APPBP2: variants seen among roughly 807,000 people sequenced by gnomAD.
The protein encoded by APPBP2 is amyloid protein-binding protein 2.
APPBP2 carries 15 observed loss-of-function variants against 76.0 expected under a neutral mutation model. That is an observed-to-expected ratio of 0.20 (90% CI 0.13 to 0.30). The LOEUF is 0.30. Among genes scored for constraint, APPBP2 ranks in the 10% least tolerant of loss-of-function variants. APPBP2 has a pLI of 1.00. For synonymous variants in APPBP2, 222 were observed against 242.2 expected, an observed-to-expected ratio of 0.92 and a Z score of 0.77; for missense variants, 401 against 687.2, an observed-to-expected ratio of 0.58 and a Z score of 4.66.
intron 1 of APPBP2, 129 bp downstream of exon 1, chr17:60,525,665 A>G (rs1598381429): frequency 1.4e-6 from 2 of 1,409,864 alleles, no homozygotes; most frequent in Non-Finnish European, 1.9e-6. Context: ...CAGACACCGC[A>G]CCAGACGTTT....
At chr17:60,518,358 CGTGTGTGTGTGTGTGTGTGTGTGT>C (rs59428194) in intron 1 of APPBP2, among the ~76,000 whole-genome samples, 1 of 89,072 alleles carries the variant, frequency 1.1e-5, no homozygotes, top group Admixed American at 1.2e-4. Flanking sequence ...TGTGTGCGTG[CGTGTGTGTGTGTGTGTGTGTGTGT>C]GTGTGTGTGT....
rs145182508 is a variant in APPBP2 at position 60,458,738 on chromosome 17, T to C, written c.1061+1925A>G. On this transcript the variant is annotated intron_variant, in intron 9 of 12. Transcript: ENST00000083182. ...TATCTTTAATCATATAAAGAACACA[T>C]ACTTTACAGCATCAACCAAAAAGAA... is the stretch of plus-strand genomic sequence containing the variant. 1.6e-3 allele frequency among the ~76,000 whole-genome samples: 237 copies of C among 152,100 alleles called. 1 individual carries two copies. Among genetic ancestry groups the C allele is most frequent in the African/African-American group, 5.3e-3 (219 of 41,484 alleles).
At chr17:60,474,628 A>C (rs1431182241) in intron 4 of APPBP2, among the ~76,000 whole-genome samples, 2 of 152,180 alleles carry the variant, frequency 1.3e-5, no homozygotes, top group Admixed American at 6.5e-5. Flanking sequence ...AATGTTTGGG[A>C]CCAATCATGT....
intron 1 of APPBP2, among the ~76,000 whole-genome samples, chr17:60,520,637 C>T (rs987789216): frequency 6.0e-5 from 9 of 151,214 alleles, no homozygotes; most frequent in African/African-American, 1.7e-4. Flanking sequence ...TGAAACACTT[C>T]ACCCAGACAA....
intron 1 of APPBP2, among the ~76,000 whole-genome samples, chr17:60,504,090 C>T (rs1474499538): frequency 1.3e-5 from 2 of 152,068 alleles, no homozygotes; most frequent in African/African-American, 4.8e-5. Flanking sequence ...AGAGAGGAAA[C>T]TGATACTTTT....
chr17:60,457,646 T>C (rs567160132), intron 9 of APPBP2, among the ~76,000 whole-genome samples: 146 of 152,152 alleles, frequency 9.6e-4, no homozygotes, highest in Admixed American at 1.8e-3. Flanking sequence ...TCCAGGCTGG[T>C]CTCAAACTCC....
chr17:60,466,955 A>C (rs1056274656), intron 4 of APPBP2, among the ~76,000 whole-genome samples: 2 of 152,182 alleles, frequency 1.3e-5, no homozygotes, highest in African/African-American at 4.8e-5. Context: ...AGTGTCAACT[A>C]TTTCTTTTAA....
chr17:60,488,020 C>A (rs934588982), intron 3 of APPBP2, among the ~76,000 whole-genome samples: 1 of 152,224 alleles, frequency 6.6e-6, no homozygotes. Flanking sequence ...GGGGTATCAC[C>A]AGCGAAAGCT....
chr17:60,504,720 C>T (rs1482807737), intron 1 of APPBP2, among the ~76,000 whole-genome samples: 1 of 152,108 alleles, frequency 6.6e-6, no homozygotes, highest in Non-Finnish European at 1.5e-5. Flanking sequence ...ATAAGAATTG[C>T]ACAAAGTCAG....
rs376752377 is a variant in APPBP2 at position 60,494,677 on chromosome 17, T to C, written c.228-60A>G. 11 of 1,384,040 alleles carry C rather than the reference T, an allele frequency of 7.9e-6. No homozygotes were observed. In the South Asian group the frequency reaches 1.1e-4, roughly 14 times the overall value. 85.7% of individuals were successfully genotyped at this position (1,384,040 alleles called of 1,614,324 possible). ...AATTTATTTTTCTCCTTTTAGAAAG[T>C]GCTAACTGCTTCTCTTTTAAATAAT... is the stretch of plus-strand genomic sequence containing the variant. On this transcript the variant is annotated intron_variant, in intron 2 of 12. Coordinates refer to ENST00000083182, the MANE Select transcript of APPBP2 (RefSeq NM_006380.5).
rs557771412 is a variant in APPBP2 at position 60,523,650 on chromosome 17, G to A, written c.138+2144C>T. The stretch of plus-strand genomic sequence containing the variant: ...TCAAGACCAGCTTGGGCAAAACAGC[G>A]AGACCCCATCTCTATTTTTTTTAAA... On this transcript the variant is annotated intron_variant, in intron 1 of 12. Transcript: ENST00000083182. 2.0e-3 allele frequency among the ~76,000 whole-genome samples: 304 copies of A among 152,202 alleles called. 1 individual carries two copies. Among genetic ancestry groups the A allele is most frequent in the African/African-American group, 6.8e-3 (281 of 41,532 alleles).
At chr17:60,501,727 G>A (rs1383887652) in intron 1 of APPBP2, among the ~76,000 whole-genome samples, 1 of 152,134 alleles carries the variant, frequency 6.6e-6, no homozygotes, top group Non-Finnish European at 1.5e-5. Context: ...GCATTTAACA[G>A]CTCAGTTGAT....
At chr17:60,522,373 AGTG>A (rs1330816154) in intron 1 of APPBP2, among the ~76,000 whole-genome samples, 1 of 152,154 alleles carries the variant, frequency 6.6e-6, no homozygotes, top group African/African-American at 2.4e-5. Context: ...CCCAGGCTGG[AGTG>A]CAGTGGCACA....
chr17:60,472,780 C>A (rs1477240863), intron 4 of APPBP2, among the ~76,000 whole-genome samples: 1 of 152,124 alleles, frequency 6.6e-6, no homozygotes, highest in Non-Finnish European at 1.5e-5. Flanking sequence ...ATTAACCTAC[C>A]CTGGAGGCCC....
In APPBP2 at chr17:60,526,110, G is replaced by A; in HGVS notation, c.-179C>T. ...GGGGGCAAACTGAGGGACGGCGGCA[G>A]CGGACGCAGGCCCGAGTAAAAAGTG... is the stretch of plus-strand genomic sequence containing the variant. On this transcript the variant is annotated 5_prime_UTR_variant, in exon 1 of 13. Transcript: ENST00000083182. 1.6e-6 allele frequency: 1 copy of A among 610,384 alleles called. No homozygotes were observed. 37.8% of individuals were successfully genotyped at this position (610,384 alleles called of 1,614,324 possible).
chr17:60,475,723 CAAG>C (rs1488725125), intron 4 of APPBP2, among the ~76,000 whole-genome samples: 7 of 150,440 alleles, frequency 4.7e-5, no homozygotes, highest in African/African-American at 1.7e-4. Flanking sequence ...TCCAGTAGTT[CAAG>C]AAGTTCTTTT....
In APPBP2 at chr17:60,494,504, G is replaced by A; in HGVS notation, c.341C>T (p.Ala114Val). ...AACCTGAATGGCTTTTTCCTTTACTGCAGCATCTGATTCTGCTATATAAGA... is the reference window on the plus strand; with the variant it reads ...AACCTGAATGGCTTTTTCCTTTACTACAGCATCTGATTCTGCTATATAAGA... ...RCSYIAESDA[A>V]VKEKAIQVGF... Residue 114 changes from alanine (A) to valine (V), a missense_variant, in exon 3 of 13, where the codon GCA becomes GTA. Ala to Val is a moderately conservative substitution (Grantham distance 64). Coordinates refer to ENST00000083182, the MANE Select transcript of APPBP2 (RefSeq NM_006380.5). 6.2e-7 allele frequency: 1 copy of A among 1,610,132 alleles called. No homozygotes were observed. Among genetic ancestry groups the A allele is most frequent in the Non-Finnish European group, 8.5e-7 (1 of 1,179,262 alleles).
In APPBP2 at chr17:60,518,358, CGTGTGTGTGTGTGTGTGTGTGT is replaced by C. The variant is rs59428194; in HGVS notation, c.138+7414_138+7435del. ...TACCATGCCCAGCCGTGTGTGCGTG[CGTGTGTGTGTGTGTGTGTGTGT>C]GTGTGTGTGTGTGTGTGTGTAAGAG... On this transcript the variant is annotated intron_variant, in intron 1 of 12. Transcript: ENST00000083182. 1.1e-3 allele frequency among the ~76,000 whole-genome samples: 100 copies of C among 89,086 alleles called. 1 individual carries two copies. Among genetic ancestry groups the C allele is most frequent in the African/African-American group, 4.7e-3 (90 of 19,238 alleles). The allele number at this position is 89,086 out of a possible 152,430, so 58.4% of individuals were successfully genotyped here.
rs2090479174 is a variant in APPBP2 at position 60,462,007 on chromosome 17, C to T, written c.817G>A (p.Val273Met). Residue 273 changes from valine (V) to methionine (M), a missense_variant, in exon 7 of 13, where the codon GTG becomes ATG. By Grantham distance (21) the Val-to-Met change is conservative (BLOSUM62 1). This residue lies in a region of APPBP2 where 130 missense variants were observed against 322.7 expected (regional missense o/e 0.40). Transcript: ENST00000083182. ...KKAEQLIKHA[V>M]YLARDHFGSK... ...ATAATCACCTACCGTGCCAAATACA[C>T]TGCATGTTTAATTAACTGTTCTGCC... 1 of 1,613,206 alleles carries T rather than the reference C, an allele frequency of 6.2e-7. No individual in the cohort carries two copies. Among genetic ancestry groups the T allele is most frequent in the African/African-American group, 1.3e-5 (1 of 74,890 alleles).
Sources: gnomAD v4.1 joint callset for allele counts (sites outside exome capture counted in the v4.1 genomes callset) on GRCh38, gnomAD v4.1.1 for gene constraint, gnomAD v4.1.1 regional missense constraint, MANE v1.5 for transcripts, NCBI Gene and HGNC (gene_info 2026-07-23, HGNC 2026-07-21) for gene names.